CHN2: variants seen among roughly 807,000 people sequenced by gnomAD.
CHN2 encodes the protein beta-chimaerin.
In CHN2, 35 loss-of-function variants were observed where a neutral mutation model predicts 56.3. The observed-to-expected ratio is 0.62, with a 90% CI of 0.47 to 0.82. The LOEUF (loss-of-function observed/expected upper bound fraction) is 0.82, where lower values mean the gene tolerates loss of function less well. Ranked by LOEUF, CHN2 falls within the 40% of genes least tolerant of loss-of-function variation. The pLI is 0.00. For synonymous variants in CHN2, 210 were observed against 212.8 expected (o/e 0.99, Z 0.12); for missense variants, 491 against 580.5 (o/e 0.85, Z 1.58).
intron 1 of CHN2, among the ~76,000 whole-genome samples, chr7:29,352,539 C>T (rs34473693): frequency 0.22 from 33,046 of 151,856 alleles, 4,442 homozygotes; most frequent in Non-Finnish European, 0.3. Flanking sequence ...CTGGCCAACG[C>T]GGTGAAACTC....
At chr7:29,309,019 T>G (rs1460286051) in intron 1 of CHN2, among the ~76,000 whole-genome samples, 1 of 152,054 alleles carries the variant, frequency 6.6e-6, no homozygotes, top group Non-Finnish European at 1.5e-5. Context: ...AATAGTTTAT[T>G]AGTATGTGAT....
chr7:29,415,052 TATTAATA>T (rs913306307), intron 6 of CHN2, among the ~76,000 whole-genome samples: 91 of 152,344 alleles, frequency 6.0e-4, no homozygotes, highest in Middle Eastern at 3.4e-3. Flanking sequence ...CATGCTTAAC[TATTAATA>T]ATTAATAATA....
Position 29,496,044 on chromosome 7 carries a change from C to T in CHN2, c.739+8C>T. ...AAGGGGTCCGGTGCTCAGGTAGACACAGAACTTTCTTCTTTTCCAATTATA... is the reference window on the plus strand; with the variant it reads ...AAGGGGTCCGGTGCTCAGGTAGACATAGAACTTTCTTCTTTTCCAATTATA... On this transcript the variant is annotated splice_region_variant and intron_variant, in intron 8 of 12. Transcript: ENST00000222792. 6.2e-7 allele frequency: 1 copy of T among 1,602,812 alleles called. No homozygotes were observed. Among genetic ancestry groups the T allele is most frequent in the Non-Finnish European group, 8.5e-7 (1 of 1,175,490 alleles).
upstream of CHN2, among the ~76,000 whole-genome samples, chr7:29,189,829 G>C (rs1782658817): frequency 6.6e-6 from 1 of 152,084 alleles, no homozygotes; most frequent in Non-Finnish European, 1.5e-5. Context: ...ATACCCCCAA[G>C]CCCCCCTGCA....
At chr7:29,271,183 G>C (rs923706465) in intron 1 of CHN2, among the ~76,000 whole-genome samples, 1 of 152,118 alleles carries the variant, frequency 6.6e-6, no homozygotes, top group African/African-American at 2.4e-5. Flanking sequence ...CAGCGTCCTG[G>C]TCTTTAAGCA....
intron 1 of CHN2, among the ~76,000 whole-genome samples, chr7:29,268,729 C>T (rs1009227310): frequency 1.3e-5 from 2 of 152,218 alleles, no homozygotes; most frequent in Non-Finnish European, 2.9e-5. Flanking sequence ...GCACGAGGCA[C>T]AGCTCTCTCC....
At chr7:29,238,846 T>C (rs961082816) in intron 1 of CHN2, among the ~76,000 whole-genome samples, 1 of 151,830 alleles carries the variant, frequency 6.6e-6, no homozygotes, top group Admixed American at 6.6e-5. Flanking sequence ...ATGCCTGGAG[T>C]GTTCAAAGAA....
At chr7:29,450,308 C>G (rs2128130178) in intron 6 of CHN2, among the ~76,000 whole-genome samples, 1 of 152,338 alleles carries the variant, frequency 6.6e-6, no homozygotes, top group African/African-American at 2.4e-5. Context: ...GAGCCAATAA[C>G]TGTGACCTTA....
chr7:29,354,511 C>G (rs1216394813), intron 1 of CHN2, 114 bp from the exon 2 acceptor site: 5 of 888,400 alleles, frequency 5.6e-6, no homozygotes, highest in Non-Finnish European at 8.9e-6. Flanking sequence ...AGAGAGTCCC[C>G]CTGAGACCCG....
chr7:29,356,981 C>T (rs893939381), intron 2 of CHN2, among the ~76,000 whole-genome samples: 8 of 152,198 alleles, frequency 5.3e-5, no homozygotes, highest in African/African-American at 1.2e-4. Flanking sequence ...ATGCCACCAC[C>T]GAAAGCTTTG....
intron 1 of CHN2, among the ~76,000 whole-genome samples, chr7:29,323,397 A>G (rs977835304): frequency 6.6e-6 from 1 of 152,132 alleles, no homozygotes; most frequent in African/African-American, 2.4e-5. Flanking sequence ...AGGTAGTCTG[A>G]CCAAAGCAGA....
At chr7:29,323,077 C>A (rs150291596) in intron 1 of CHN2, among the ~76,000 whole-genome samples, 2 of 152,176 alleles carry the variant, frequency 1.3e-5, no homozygotes, top group Non-Finnish European at 2.9e-5. Flanking sequence ...ATGCTTGAAA[C>A]TGGGAGGCAG....
intron 1 of CHN2, among the ~76,000 whole-genome samples, chr7:29,306,313 A>G (rs1794163321): frequency 6.6e-6 from 1 of 152,188 alleles, no homozygotes; most frequent in African/African-American, 2.4e-5. Context: ...CAAGGTAAGC[A>G]TTTGCTAGGA....
At chr7:29,435,955 T>C (rs1783193517) in intron 6 of CHN2, among the ~76,000 whole-genome samples, 1 of 151,646 alleles carries the variant, frequency 6.6e-6, no homozygotes, top group African/African-American at 2.4e-5. Context: ...AGTTGGATTC[T>C]AGGAGATAAT....
At chr7:29,429,841 T>G (rs1230432987) in intron 6 of CHN2, among the ~76,000 whole-genome samples, 1 of 152,264 alleles carries the variant, frequency 6.6e-6, no homozygotes, top group Non-Finnish European at 1.5e-5. Context: ...GTGCTTTATA[T>G]GGACTTTATT....
chr7:29,162,322 AAAG>A (rs1415563951), intron 2 of CHN2, among the ~76,000 whole-genome samples: 1 of 152,224 alleles, frequency 6.6e-6, no homozygotes, highest in East Asian at 1.9e-4. Context: ...CAGCAATAAA[AAAG>A]AAACAAACTA....
At chr7:29,376,101 A>G (rs1048607117) in intron 3 of CHN2, among the ~76,000 whole-genome samples, 1 of 152,208 alleles carries the variant, frequency 6.6e-6, no homozygotes, top group Non-Finnish European at 1.5e-5. Context: ...TCTGACCTTG[A>G]TTCTGCTTTC....
At chr7:29,442,936 T>TTTTTTTTTTCTTTTTC (rs1469028191) in intron 6 of CHN2, among the ~76,000 whole-genome samples, 1 of 119,658 alleles carries the variant, frequency 8.4e-6, no homozygotes, top group Non-Finnish European at 1.7e-5. Flanking sequence ...TTGAATTTCT[T>TTTTTTTTTTCTTTTTC]TTTTTTTTTT....
At chr7:29,450,237 T>C (rs147034142) in intron 6 of CHN2, among the ~76,000 whole-genome samples, 102 of 152,316 alleles carry the variant, frequency 6.7e-4, no homozygotes, top group African/African-American at 2.3e-3. Context: ...ATGAGTTTGT[T>C]TTTAAGGATT....
Sources: gnomAD v4.1 joint callset for allele counts (sites outside exome capture counted in the v4.1 genomes callset) on GRCh38, gnomAD v4.1.1 for gene constraint, MANE v1.5 for transcripts, NCBI Gene and HGNC (gene_info 2026-07-23, HGNC 2026-07-21) for gene names.